The following COL12A1 variants were observed in gnomAD, a reference collection of about 807,000 sequenced individuals.
COL12A1 encodes collagen type XII alpha 1 chain.
COL12A1 carries 114 observed loss-of-function variants against 349.7 expected under a neutral mutation model. That is an observed-to-expected ratio of 0.33 (90% CI 0.28 to 0.38). The LOEUF (loss-of-function observed/expected upper bound fraction) is 0.38, where lower values mean the gene tolerates loss of function less well. Among genes scored for constraint, COL12A1 ranks in the 10% least tolerant of loss-of-function variants. The pLI is 1.00. For synonymous variants in COL12A1, 1,369 were observed against 1,329.0 expected, an observed-to-expected ratio of 1.03 and a Z score of -0.66; for missense variants, 3,284 against 3,756.9, an observed-to-expected ratio of 0.87 and a Z score of 3.29.
intron 13 of COL12A1, among the ~76,000 whole-genome samples, chr6:75,169,792 T>G (rs1160155056): frequency 1.3e-5 from 2 of 152,208 alleles, no homozygotes; most frequent in Non-Finnish European, 2.9e-5. Context: ...AATTTTCCCT[T>G]ACACTTTATT....
At chr6:75,099,525 T>G (rs905934269) in intron 58 of COL12A1, among the ~76,000 whole-genome samples, 2 of 152,244 alleles carry the variant, frequency 1.3e-5, no homozygotes, top group Non-Finnish European at 2.9e-5. Flanking sequence ...CCATTTCCTT[T>G]TAGAGGAAAT....
intron 11 of COL12A1, among the ~76,000 whole-genome samples, chr6:75,179,198 C>A (rs1769133074): frequency 6.6e-6 from 1 of 152,152 alleles, no homozygotes; most frequent in Non-Finnish European, 1.5e-5. Flanking sequence ...ATTTAAATCC[C>A]AGATTCCATT....
At chr6:75,136,981 C>G (rs1473199610) in intron 31 of COL12A1, among the ~76,000 whole-genome samples, 1 of 151,938 alleles carries the variant, frequency 6.6e-6, no homozygotes, top group Non-Finnish European at 1.5e-5. Flanking sequence ...TCTAGAAACA[C>G]CAGATCTAGA....
Position 75,199,729 on chromosome 6 carries a change from T to C in COL12A1, c.73+2991A>G, listed in dbSNP as rs1368817343. The stretch of plus-strand genomic sequence containing the variant: ...CTATGCAGTGATGCGGTTGATAAAG[T>C]CTCTGCAGTGGCTAAAAATTATAGA... On this transcript the variant is annotated intron_variant, in intron 2 of 65. Transcript: ENST00000322507. Among the ~76,000 whole-genome samples, 3 of 152,190 alleles carry C rather than the reference T, an allele frequency of 2.0e-5. No homozygotes were observed. The South Asian group carries it at 6.2e-4, about 32-fold the overall frequency.
Position 75,123,399 on chromosome 6 carries a change from T to C in COL12A1, c.6877A>G (p.Lys2293Glu). 6.4e-7 allele frequency: 1 copy of C among 1,571,968 alleles called. No individual in the cohort carries two copies. Among genetic ancestry groups the C allele is most frequent in the Non-Finnish European group, 8.6e-7 (1 of 1,158,840 alleles). Residue 2293 changes from lysine (K) to glutamate (E), a missense_variant, in exon 43 of 66, where the codon AAA becomes GAA. Around this residue, in one of 2 missense-constraint regions of COL12A1, gnomAD observed 2,601 missense variants for 2,824.8 expected, o/e 0.92. Coordinates refer to ENST00000322507, the MANE Select transcript of COL12A1 (RefSeq NM_004370.6). Reference sequence around the variant, plus strand: ...GGCTCTGTAGGGGCTTCTGTTGGTTTCACAGCTAAAATTTAAAAATAATAA... The same window carrying C: ...GGCTCTGTAGGGGCTTCTGTTGGTTCCACAGCTAAAATTTAAAAATAATAA... ...GVSVKEHTTVKPTEAPTEPPT... is the reference protein window; with the variant it reads ...GVSVKEHTTVEPTEAPTEPPT...
At chr6:75,133,668 G>T (rs1299449649) in intron 33 of COL12A1, among the ~76,000 whole-genome samples, 190 bp downstream of exon 33, 2 of 152,054 alleles carry the variant, frequency 1.3e-5, no homozygotes, top group Admixed American at 6.5e-5. Flanking sequence ...CCAGGGGGAA[G>T]AATCCTGGCC....
At chr6:75,096,850 C>A (rs916780055) in intron 59 of COL12A1, among the ~76,000 whole-genome samples, 9 of 145,844 alleles carry the variant, frequency 6.2e-5, no homozygotes, top group Non-Finnish European at 1.0e-4. Context: ...GAGCCGAGAT[C>A]CCGCCACTGC....
chr6:75,158,101 G>A (rs1393592985), intron 14 of COL12A1, among the ~76,000 whole-genome samples: 2 of 151,964 alleles, frequency 1.3e-5, no homozygotes, highest in African/African-American at 2.4e-5. Context: ...AAAGTTACAA[G>A]ACATGCCAAA....
intron 58 of COL12A1, among the ~76,000 whole-genome samples, chr6:75,099,216 C>CA (rs570143809): frequency 1.4e-4 from 21 of 150,544 alleles, no homozygotes; most frequent in African/African-American, 4.6e-4. Flanking sequence ...TCCACTTCCC[C>CA]AAAAAAAAAC....
At chr6:75,172,476 A>C (rs1768687334) in intron 13 of COL12A1, among the ~76,000 whole-genome samples, 1 of 152,240 alleles carries the variant, frequency 6.6e-6, no homozygotes, top group Non-Finnish European at 1.5e-5. Flanking sequence ...ATAAAGAAGA[A>C]ATGTTCACAA....
chr6:75,085,288 C>G lies in COL12A1; in HGVS notation c.*1259G>C. ...TCTGCGCCGTAGTCCTCGTATTCCG[C>G]TGTCCGCTCGGGCTCCACCGGCACG... On this transcript the variant is annotated 3_prime_UTR_variant, in exon 66 of 66. Coordinates refer to ENST00000322507, the MANE Select transcript of COL12A1 (RefSeq NM_004370.6). 1.3e-5 allele frequency: 6 copies of G among 471,074 alleles called. No individual in the cohort carries two copies. Among genetic ancestry groups the G allele is most frequent in the Non-Finnish European group, 1.3e-5 (3 of 227,050 alleles). The allele number at this position is 471,074 out of a possible 1,614,324, so 29.2% of individuals were successfully genotyped here.
chr6:75,187,244 C>G, intron 8 of COL12A1, among the ~76,000 whole-genome samples: 1 of 150,274 alleles, frequency 6.7e-6, no homozygotes, highest in East Asian at 1.9e-4. Context: ...GAAATCTGGC[C>G]AAACCTGAGG....
Position 75,086,504 on chromosome 6 carries a change from A to G in COL12A1, c.*43T>C. ...CAAACATCTCAGAAACAGGATTTTC[A>G]TGTATTCAAACTGTAAGCAGCACTG... On this transcript the variant is annotated 3_prime_UTR_variant, in exon 66 of 66. Transcript: ENST00000322507. 1 of 1,583,472 alleles carries G rather than the reference A, an allele frequency of 6.3e-7. No homozygotes were observed. Among genetic ancestry groups the G allele is most frequent in the Non-Finnish European group, 8.6e-7 (1 of 1,159,440 alleles).
intron 14 of COL12A1, among the ~76,000 whole-genome samples, chr6:75,156,911 G>A (rs1190098823): frequency 6.6e-6 from 1 of 152,094 alleles, no homozygotes; most frequent in East Asian, 1.9e-4. Context: ...ATGCAGGGTT[G>A]GACATTTTAC....
chr6:75,134,595 T>G (rs1163220645), intron 32 of COL12A1, 131 bp downstream of exon 32: 2 of 814,234 alleles, frequency 2.5e-6, no homozygotes, highest in Non-Finnish European at 3.4e-6. Context: ...GAAAAAACTA[T>G]TAATATTATT....
Position 75,183,741 on chromosome 6 carries a change from T to A in COL12A1, c.1289-89A>T, listed in dbSNP as rs546457671. 3,752 of 1,456,594 alleles carry A rather than the reference T, an allele frequency of 2.6e-3. 81 individuals are homozygous for A. The African/African-American group carries it at 0.046, about 18-fold the overall frequency. The allele number at this position is 1,456,594 out of a possible 1,614,324, so 90.2% of individuals were successfully genotyped here. A position where few individuals can be genotyped will look rare whatever the true frequency, so the allele number is the denominator to read the frequency against. On this transcript the variant is annotated intron_variant, in intron 9 of 65. Coordinates refer to ENST00000322507, the MANE Select transcript of COL12A1 (RefSeq NM_004370.6). ...AGCTTTCTTAGTAAGCGTGCTTCTT[T>A]AAAAAAAAAACTATTGCAAATATTT...
chr6:75,189,330 G>T lies in COL12A1; in HGVS notation c.710C>A (p.Ala237Glu). 1 of 1,612,974 alleles carries T rather than the reference G, an allele frequency of 6.2e-7. No homozygotes were observed. Among genetic ancestry groups the T allele is most frequent in the Non-Finnish European group, 8.5e-7 (1 of 1,179,430 alleles). The change falls in exon 7 of 66, where the codon GCA (alanine) becomes GAA (glutamate). Residue 237 changes from alanine (A) to glutamate (E), a missense_variant. Ala to Glu is a moderately radical substitution (Grantham distance 107). Coordinates refer to ENST00000322507, the MANE Select transcript of COL12A1 (RefSeq NM_004370.6). ...TGCCACTTTAGGAAAGCCAACTCTT[G>T]CCCCAGCAGATTCCGTGAAAGTATT... is the stretch of plus-strand genomic sequence containing the variant. ...VKNTFTESAG[A>E]RVGFPKVAII...
At chr6:75,178,393 C>T (rs1769089993) in intron 11 of COL12A1, among the ~76,000 whole-genome samples, 1 of 152,156 alleles carries the variant, frequency 6.6e-6, no homozygotes, top group Non-Finnish European at 1.5e-5. Flanking sequence ...CCGTCTTATC[C>T]AGTCCGTCCC....
rs1450292372 is a variant in COL12A1, at chr6:75,202,815, G to A, written c.-23C>T. 8 of 1,550,520 alleles carry A rather than the reference G, an allele frequency of 5.2e-6. No homozygotes were observed. The highest frequency in any genetic ancestry group is 7.0e-6 in the Non-Finnish European group (8 of 1,146,002). On this transcript the variant is annotated 5_prime_UTR_variant, in exon 2 of 66. Transcript: ENST00000322507. ...CATCCTTGGCCTCCGAGCTTACAGC[G>A]GCATGAAGAGATCTGCGGGAGGAAG...
Sources: allele counts gnomAD v4.1 joint callset (sites outside exome capture counted in the v4.1 genomes callset), GRCh38; gene constraint gnomAD v4.1.1; regional missense constraint gnomAD v4.1.1; transcripts MANE v1.5; gene names NCBI Gene and HGNC (gene_info 2026-07-23, HGNC 2026-07-21).